The following RNF217 variants were observed in gnomAD, a reference collection of about 807,000 sequenced individuals.
RNF217 encodes the protein ring finger protein 217.
A neutral mutation model predicts 57.8 loss-of-function variants in RNF217; 31 were observed. That is an observed-to-expected ratio of 0.54 (90% CI 0.40 to 0.72). The LOEUF is 0.72. Among genes scored for constraint, RNF217 ranks in the 30% least tolerant of loss-of-function variants. The pLI is 0.00. For synonymous variants in RNF217, 313 were observed against 294.0 expected (o/e 1.06, Z -0.66); for missense variants, 696 against 708.3 (o/e 0.98, Z 0.20).
chr6:125,061,880 C>A (rs1787748310), intron 3 of RNF217, among the ~76,000 whole-genome samples: 1 of 151,768 alleles, frequency 6.6e-6, no homozygotes, highest in African/African-American at 2.4e-5. Flanking sequence ...TATTTTAACT[C>A]TTTAATCCAA....
At chr6:124,977,470 C>T (rs1216585202) in intron 1 of RNF217, among the ~76,000 whole-genome samples, 1 of 152,190 alleles carries the variant, frequency 6.6e-6, no homozygotes, top group Non-Finnish European at 1.5e-5. Flanking sequence ...TAAAACAATG[C>T]TTTCACAATT....
chr6:125,061,609 T>C (rs1787735605), intron 3 of RNF217, among the ~76,000 whole-genome samples: 1 of 151,790 alleles, frequency 6.6e-6, no homozygotes, highest in African/African-American at 2.4e-5. Context: ...TCTTCCTTTT[T>C]ATTTGAGTGG....
intron 1 of RNF217, among the ~76,000 whole-genome samples, chr6:124,965,598 T>C (rs1783508866): frequency 6.6e-6 from 1 of 152,142 alleles, no homozygotes; most frequent in Non-Finnish European, 1.5e-5. Flanking sequence ...ATACATTATT[T>C]AAAATAATAA....
rs1785818912 is a variant in RNF217, at chr6:125,021,127, A to G, written c.883-24084A>G. ...AAACACAGAATGAACTTTATGCAAA[A>G]GTTATTCATCCCACATTATTTATAA... On this transcript the variant is annotated intron_variant, in intron 1 of 5. Coordinates refer to ENST00000521654, the MANE Select transcript of RNF217 (RefSeq NM_001286398.3). Among the ~76,000 whole-genome samples the G allele has an allele frequency of 2.0e-5, 3 of 152,198 alleles. No homozygotes were observed. The South Asian group carries it at 6.2e-4, about 31-fold the overall frequency.
chr6:124,971,526 G>T (rs1293760463), intron 1 of RNF217: 3 of 302,916 alleles, frequency 9.9e-6, no homozygotes, highest in South Asian at 2.7e-5. Context: ...CATGATCTCG[G>T]CTCACGGAAA....
intron 1 of RNF217, 96 bp downstream of exon 1, chr6:124,963,522 G>A: frequency 7.4e-7 from 1 of 1,354,448 alleles, no homozygotes; most frequent in Non-Finnish European, 9.7e-7. Flanking sequence ...GCGAAGAGGT[G>A]ACCGACACAC....
intron 2 of RNF217, among the ~76,000 whole-genome samples, chr6:125,047,930 T>A (rs1787156914): frequency 6.6e-6 from 1 of 152,108 alleles, no homozygotes; most frequent in Non-Finnish European, 1.5e-5. Flanking sequence ...TTTGTTACTC[T>A]TCTTTACTAG....
intron 1 of RNF217, among the ~76,000 whole-genome samples, chr6:124,970,060 G>A (rs1240335644): frequency 6.6e-6 from 1 of 152,146 alleles, no homozygotes; most frequent in Non-Finnish European, 1.5e-5. Flanking sequence ...AGAATGAAGT[G>A]GGTAGTGCTA....
At chr6:124,980,481 G>T (rs1784122975) in intron 1 of RNF217, among the ~76,000 whole-genome samples, 1 of 152,018 alleles carries the variant, frequency 6.6e-6, no homozygotes, top group Admixed American at 6.5e-5. Context: ...TTTTTAGTTT[G>T]TTGAATTGTT....
At chr6:125,033,967 G>C (rs1582733695) in intron 1 of RNF217, among the ~76,000 whole-genome samples, 1 of 151,784 alleles carries the variant, frequency 6.6e-6, no homozygotes, top group South Asian at 2.1e-4. Context: ...ATTTTTTCAT[G>C]TGTCTTTTGG....
intron 1 of RNF217, among the ~76,000 whole-genome samples, chr6:125,041,535 A>G (rs1304958136): frequency 6.6e-6 from 1 of 152,042 alleles, no homozygotes; most frequent in Admixed American, 6.6e-5. Flanking sequence ...CCTTTAGTAT[A>G]TATTTTTGTC....
intron 1 of RNF217, chr6:125,009,215 T>C: frequency 6.3e-7 from 1 of 1,599,852 alleles, no homozygotes; most frequent in South Asian, 1.1e-5. Context: ...AGTAGGAGAA[T>C]CAAAGCTGTT....
rs140534966 is a variant in RNF217 at position 125,025,877 on chromosome 6, T to G, written c.883-19334T>G. Among the ~76,000 whole-genome samples the G allele has an allele frequency of 1.3e-3, 197 of 152,330 alleles. 2 individuals are homozygous for G. The highest frequency in any genetic ancestry group is 4.6e-3 in the African/African-American group (190 of 41,574). ...TCAGCTGATCCTGTTGGATTTTTAT[T>G]CTGTCAAGTACAAGGTGAAGTTTTT... is the stretch of plus-strand genomic sequence containing the variant. On this transcript the variant is annotated intron_variant, in intron 1 of 5. Coordinates refer to ENST00000521654, the MANE Select transcript of RNF217 (RefSeq NM_001286398.3).
intron 1 of RNF217, among the ~76,000 whole-genome samples, chr6:125,031,007 G>A (rs1364488115): frequency 6.6e-6 from 1 of 152,262 alleles, no homozygotes; most frequent in Non-Finnish European, 1.5e-5. Context: ...CCAAACCTCA[G>A]TTCTTGACTT....
At chr6:124,973,593 A>G (rs1310293585) in intron 1 of RNF217, among the ~76,000 whole-genome samples, 1 of 152,174 alleles carries the variant, frequency 6.6e-6, no homozygotes, top group African/African-American at 2.4e-5. Context: ...AAAGTAAGGT[A>G]ACTATTTGAA....
At chr6:125,036,426 C>T (rs1296538749) in intron 1 of RNF217, among the ~76,000 whole-genome samples, 1 of 152,048 alleles carries the variant, frequency 6.6e-6, no homozygotes, top group Non-Finnish European at 1.5e-5. Context: ...ATTTATAATC[C>T]TTTGGGTATA....
intron 1 of RNF217, among the ~76,000 whole-genome samples, chr6:124,990,983 C>T (rs534130858): frequency 6.6e-6 from 1 of 152,276 alleles, no homozygotes; most frequent in African/African-American, 2.4e-5. Flanking sequence ...GGGAAGATCA[C>T]ATGACCCCAG....
chr6:124,964,552 G>GT (rs1783455525), intron 1 of RNF217, among the ~76,000 whole-genome samples: 1 of 152,106 alleles, frequency 6.6e-6, no homozygotes, highest in Admixed American at 6.5e-5. Context: ...ATTCCTCTAT[G>GT]TTTTTTGGCT....
Position 124,963,386 on chromosome 6 carries a change from C to A in RNF217, c.842C>A (p.Ala281Asp). ...PIKPLPCCKK[A>D]VCEECLKVYL... ...AAGCCCCTGCCTTGCTGCAAGAAGG[C>A]CGTGTGCGAGGAGTGCCTCAAAGTC... Residue 281 changes from alanine to aspartate, a missense_variant, in exon 1 of 6, where the codon GCC becomes GAC. Around this residue, in one of 2 missense-constraint regions of RNF217, gnomAD observed 231 missense variants for 321.4 expected, o/e 0.72. Transcript: ENST00000521654. 6.6e-7 allele frequency: 1 copy of A among 1,506,672 alleles called. No homozygotes were observed. The highest frequency in any genetic ancestry group is 2.1e-5 in the Admixed American group (1 of 46,804). 93.3% of individuals were successfully genotyped at this position (1,506,672 alleles called of 1,614,324 possible).
Sources: gnomAD v4.1 joint callset for allele counts (sites outside exome capture counted in the v4.1 genomes callset) on GRCh38, gnomAD v4.1.1 for gene constraint, gnomAD v4.1.1 regional missense constraint, MANE v1.5 for transcripts, NCBI Gene and HGNC (gene_info 2026-07-23, HGNC 2026-07-21) for gene names.